Variants in SLC24A2 observed in about 807,000 individuals in gnomAD.
SLC24A2 encodes the protein sodium/potassium/calcium exchanger 2.
SLC24A2 carries 36 observed loss-of-function variants against 62.0 expected under a neutral mutation model. The ratio of observed to expected loss-of-function variants is 0.58; its 90% CI spans 0.44 to 0.77. The LOEUF is 0.77. SLC24A2 is among the 30% of genes least tolerant of loss of function. The pLI, the probability that SLC24A2 is intolerant of heterozygous loss-of-function variation, is 0.00. For missense variants in SLC24A2, 846 were observed against 817.9 expected (o/e 1.03, Z -0.42); for synonymous variants, 358 against 294.0 (o/e 1.22, Z -2.23).
the SLC24A2 span, among the ~76,000 whole-genome samples, chr9:19,805,117 C>CATG: frequency 6.6e-6 from 1 of 152,272 alleles, no homozygotes; most frequent in East Asian, 1.9e-4. Flanking sequence ...GTCAGCACAA[C>CATG]ATGATATGTG....
intron 9 of SLC24A2, among the ~76,000 whole-genome samples, chr9:19,525,935 A>G (rs1833430212): frequency 6.6e-6 from 1 of 152,084 alleles, no homozygotes. Flanking sequence ...CAGCCTTCAT[A>G]ATTTAGGTTT....
At chr9:19,784,581 A>G (rs1041554671) in intron 2 of SLC24A2, among the ~76,000 whole-genome samples, 5 of 152,172 alleles carry the variant, frequency 3.3e-5, no homozygotes, top group Admixed American at 3.3e-4. Context: ...ACACCACCCA[A>G]ACGGACTCGA....
the SLC24A2 span, among the ~76,000 whole-genome samples, chr9:19,893,706 G>C: frequency 4.6e-5 from 7 of 152,128 alleles, no homozygotes; most frequent in African/African-American, 1.7e-4. Flanking sequence ...TCTCATTGTT[G>C]GTATTAGTTA....
intron 8 of SLC24A2, among the ~76,000 whole-genome samples, chr9:19,548,799 T>C (rs1174051657): frequency 1.3e-5 from 2 of 152,178 alleles, no homozygotes; most frequent in Non-Finnish European, 2.9e-5. Flanking sequence ...ACTTCTCTCA[T>C]TGCTCCCGCC....
the SLC24A2 span, among the ~76,000 whole-genome samples, chr9:20,283,750 AAGG>A: frequency 2.8e-4 from 35 of 123,306 alleles, no homozygotes; most frequent in East Asian, 0.012. Context: ...GAGAAAAAAA[AAGG>A]GGGGGGGGGG....
At chr9:19,601,333 G>A (rs116897310) in intron 4 of SLC24A2, among the ~76,000 whole-genome samples, 33 of 152,266 alleles carry the variant, frequency 2.2e-4, no homozygotes, top group African/African-American at 5.5e-4. Context: ...GACAGAAATC[G>A]AACATGGGTG....
chr9:19,997,463 T>C, the SLC24A2 span, among the ~76,000 whole-genome samples: 3 of 152,196 alleles, frequency 2.0e-5, no homozygotes, highest in Non-Finnish European at 4.4e-5. Flanking sequence ...AAGCTATTCC[T>C]TGGAGTGAGG....
At chr9:20,132,777 T>A in the SLC24A2 span, among the ~76,000 whole-genome samples, 2 of 152,306 alleles carry the variant, frequency 1.3e-5, no homozygotes, top group South Asian at 4.1e-4. Flanking sequence ...GGTTTTCTTA[T>A]GTTTTTAGGT....
At chr9:20,026,063 G>A in the SLC24A2 span, among the ~76,000 whole-genome samples, 2 of 152,238 alleles carry the variant, frequency 1.3e-5, no homozygotes, top group East Asian at 3.9e-4. Context: ...TAACTAGGTG[G>A]CATTGGTCAA....
intron 2 of SLC24A2, among the ~76,000 whole-genome samples, chr9:19,686,031 A>G (rs1050551974): frequency 6.6e-6 from 1 of 152,144 alleles, no homozygotes; most frequent in Non-Finnish European, 1.5e-5. Context: ...CAACAAAGGT[A>G]TAATATCCAG....
the SLC24A2 span, among the ~76,000 whole-genome samples, chr9:20,078,543 T>C: frequency 1.3e-5 from 2 of 152,106 alleles, no homozygotes; most frequent in Admixed American, 6.6e-5. Context: ...GAAATAGGCT[T>C]CAATAACTGT....
chr9:20,052,499 C>T, the SLC24A2 span, among the ~76,000 whole-genome samples: 1 of 152,208 alleles, frequency 6.6e-6, no homozygotes, highest in Non-Finnish European at 1.5e-5. Context: ...TTGTCTCTAA[C>T]TCCTTGATCT....
intron 5 of SLC24A2, among the ~76,000 whole-genome samples, chr9:19,591,399 A>G (rs1836544248): frequency 6.6e-6 from 1 of 152,194 alleles, no homozygotes. Context: ...CCTATCCAAT[A>G]TCTATTCCAT....
chr9:19,830,043 G>A, the SLC24A2 span, among the ~76,000 whole-genome samples: 1 of 151,920 alleles, frequency 6.6e-6, no homozygotes, highest in South Asian at 2.1e-4. Flanking sequence ...GGCCACCCAA[G>A]GGCAAGGGCA....
chr9:19,754,890 C>T (rs1340632640), intron 2 of SLC24A2, among the ~76,000 whole-genome samples: 1 of 152,126 alleles, frequency 6.6e-6, no homozygotes, highest in Non-Finnish European at 1.5e-5. Flanking sequence ...CACACTGAGA[C>T]CTAGCCTGCT....
chr9:19,772,468 A>G (rs1822718556), intron 2 of SLC24A2, among the ~76,000 whole-genome samples: 4 of 152,214 alleles, frequency 2.6e-5, no homozygotes, highest in Admixed American at 2.6e-4. Flanking sequence ...TTTGCAAACC[A>G]TATATCTGAT....
At chr9:20,165,827 T>C in the SLC24A2 span, among the ~76,000 whole-genome samples, 3 of 151,612 alleles carry the variant, frequency 2.0e-5, no homozygotes, top group Non-Finnish European at 4.4e-5. Flanking sequence ...GCATAAAAAA[T>C]AAACACACCA....
chr9:19,943,586 G>T, the SLC24A2 span, among the ~76,000 whole-genome samples: 1 of 152,036 alleles, frequency 6.6e-6, no homozygotes, highest in Non-Finnish European at 1.5e-5. Context: ...CATACTAAAA[G>T]AAAACTCAAG....
At chr9:20,165,863 T>C in the SLC24A2 span, among the ~76,000 whole-genome samples, 1,705 of 151,962 alleles carry the variant, frequency 0.011, 28 homozygotes, top group African/African-American at 0.037. Context: ...GACAAATTGG[T>C]AGCAACATTT....
Sources: gnomAD v4.1 joint callset for allele counts (sites outside exome capture counted in the v4.1 genomes callset) on GRCh38, gnomAD v4.1.1 for gene constraint, MANE v1.5 for transcripts, NCBI Gene and HGNC (gene_info 2026-07-23, HGNC 2026-07-21) for gene names.